Variants in ARPC1A observed in about 807,000 individuals in gnomAD.
ARPC1A encodes actin-related protein 2/3 complex subunit 1A.
Under a neutral mutation model 46.9 loss-of-function variants are expected in ARPC1A, and 8 were observed. That is an observed-to-expected ratio of 0.17 (90% confidence interval 0.10 to 0.31). The LOEUF is 0.31. Ranked by LOEUF, ARPC1A falls within the 10% of genes least tolerant of loss-of-function variation. The pLI, the probability that ARPC1A is intolerant of heterozygous loss-of-function variation, is 1.00. For synonymous variants in ARPC1A, 152 were observed against 169.0 expected (o/e 0.90, Z 0.78); for missense variants, 286 against 483.6 (o/e 0.59, Z 3.83).
intron 7 of ARPC1A, among the ~76,000 whole-genome samples, chr7:99,358,986 C>T (rs1251216459): frequency 6.6e-6 from 1 of 151,894 alleles, no homozygotes; most frequent in Non-Finnish European, 1.5e-5. Flanking sequence ...CGCCCGCCAC[C>T]TCGCCGGGCT....
chr7:99,351,325 TGCCTCA>T (rs1793539394), intron 5 of ARPC1A, among the ~76,000 whole-genome samples: 1 of 152,152 alleles, frequency 6.6e-6, no homozygotes, highest in Admixed American at 6.6e-5. Context: ...GTGATTCTCA[TGCCTCA>T]GCCTCCCAAG....
At chr7:99,352,630 G>A (rs1439377861) in intron 5 of ARPC1A, among the ~76,000 whole-genome samples, 2 of 150,254 alleles carry the variant, frequency 1.3e-5, no homozygotes, top group Non-Finnish European at 3.0e-5. Flanking sequence ...TCCATCCCGG[G>A]CAACAGAGCC....
intron 2 of ARPC1A, among the ~76,000 whole-genome samples, chr7:99,337,499 A>G (rs180678885): frequency 6.6e-6 from 1 of 152,186 alleles, no homozygotes; most frequent in Non-Finnish European, 1.5e-5. Flanking sequence ...TTTGAGTGTC[A>G]TGTTGATACT....
intron 3 of ARPC1A, among the ~76,000 whole-genome samples, chr7:99,343,111 T>A (rs921327953): frequency 6.6e-6 from 1 of 151,438 alleles, no homozygotes; most frequent in African/African-American, 2.4e-5. Context: ...GAGAGAGATC[T>A]GTAATAAATA....
chr7:99,338,374 C>T, intron 3 of ARPC1A, 89 bp downstream of exon 3: 1 of 536,370 alleles, frequency 1.9e-6, no homozygotes, highest in Non-Finnish European at 2.9e-6. Context: ...CCCAGGTGGC[C>T]ATAATTTTTT....
intron 8 of ARPC1A, 168 bp from the exon 9 acceptor site, chr7:99,363,375 T>C (rs1793774669): frequency 1.7e-6 from 1 of 596,596 alleles, no homozygotes; most frequent in Non-Finnish European, 2.9e-6. Context: ...AGCCCAGGAG[T>C]TCAAGACCAG....
At chr7:99,355,802 G>T (rs948265663) in intron 6 of ARPC1A, among the ~76,000 whole-genome samples, 1 of 149,784 alleles carries the variant, frequency 6.7e-6, no homozygotes, top group South Asian at 2.1e-4. Context: ...TGTAAGTGCC[G>T]TTCACCGGCC....
At chr7:99,355,330 A>G (rs1352978765) in intron 6 of ARPC1A, among the ~76,000 whole-genome samples, 1 of 152,134 alleles carries the variant, frequency 6.6e-6, no homozygotes, top group Non-Finnish European at 1.5e-5. Flanking sequence ...CACAGACACA[A>G]ATTCTCCGGT....
intron 6 of ARPC1A, among the ~76,000 whole-genome samples, chr7:99,354,799 T>C (rs929440038): frequency 6.6e-6 from 1 of 152,036 alleles, no homozygotes; most frequent in Non-Finnish European, 1.5e-5. Flanking sequence ...CTGGCCAACA[T>C]GGTGAAACCC....
intron 8 of ARPC1A, among the ~76,000 whole-genome samples, chr7:99,362,769 AG>A (rs1361532223): frequency 1.3e-5 from 2 of 152,114 alleles, no homozygotes; most frequent in African/African-American, 4.8e-5. Context: ...CAAAGGAGAA[AG>A]AAAAATATTG....
intron 1 of ARPC1A, among the ~76,000 whole-genome samples, chr7:99,328,869 T>G (rs1352713473): frequency 6.6e-6 from 1 of 151,926 alleles, no homozygotes; most frequent in Non-Finnish European, 1.5e-5. Flanking sequence ...GAGGATGGCT[T>G]GACCCTGGGA....
At chr7:99,359,501 G>T (rs367597094) in intron 7 of ARPC1A, 44 bp from the exon 8 acceptor site, 1 of 1,598,004 alleles carries the variant, frequency 6.3e-7, no homozygotes, top group African/African-American at 1.3e-5. Context: ...GGAGGTGGGC[G>T]GTGGGCAGTG....
intron 2 of ARPC1A, among the ~76,000 whole-genome samples, chr7:99,334,623 G>A (rs1007045142): frequency 6.6e-6 from 1 of 151,724 alleles, no homozygotes; most frequent in Non-Finnish European, 1.5e-5. Context: ...TGTAAGATAG[G>A]GTTCCTTTTG....
At chr7:99,335,506 TG>T (rs1260373712) in intron 2 of ARPC1A, 21 of 352,000 alleles carry the variant, frequency 6.0e-5, no homozygotes, top group African/African-American at 4.7e-4. Context: ...AATCAAGAAG[TG>T]TAAGTTCCAA....
chr7:99,333,812 G>A (rs1454097600), intron 2 of ARPC1A, among the ~76,000 whole-genome samples: 1 of 152,052 alleles, frequency 6.6e-6, no homozygotes, highest in Admixed American at 6.6e-5. Flanking sequence ...TTAGAAGTAG[G>A]CACAGTTCAG....
intron 5 of ARPC1A, among the ~76,000 whole-genome samples, chr7:99,351,788 G>A (rs2150869536): frequency 6.6e-6 from 1 of 152,236 alleles, no homozygotes; most frequent in East Asian, 1.9e-4. Flanking sequence ...GCAGTTTTTT[G>A]GAGAGAAGAA....
chr7:99,364,910 G>A (rs931552177), intron 9 of ARPC1A, among the ~76,000 whole-genome samples: 1 of 152,166 alleles, frequency 6.6e-6, no homozygotes, highest in African/African-American at 2.4e-5. Flanking sequence ...AGAAGCCAGT[G>A]CCTCTGTTTT....
intron 5 of ARPC1A, among the ~76,000 whole-genome samples, chr7:99,351,970 C>T (rs1452298619): frequency 1.3e-5 from 2 of 152,160 alleles, no homozygotes; most frequent in Non-Finnish European, 2.9e-5. Context: ...AAAGGACCTG[C>T]CTCCATCTTA....
At chr7:99,329,379 GCT>G (rs1261963965) in intron 1 of ARPC1A, among the ~76,000 whole-genome samples, 1 of 151,816 alleles carries the variant, frequency 6.6e-6, no homozygotes, top group Non-Finnish European at 1.5e-5. Flanking sequence ...TCCCTCTCTA[GCT>G]CTATTAAGAC....
Sources: allele counts gnomAD v4.1 joint callset (sites outside exome capture counted in the v4.1 genomes callset), GRCh38; gene constraint gnomAD v4.1.1; transcripts MANE v1.5; gene names NCBI Gene and HGNC (gene_info 2026-07-23, HGNC 2026-07-21).